Variants in NUP188 observed in about 807,000 individuals in gnomAD.
The protein encoded by NUP188 is nucleoporin 188.
Under a neutral mutation model 223.0 loss-of-function variants are expected in NUP188, and 97 were observed. The observed-to-expected ratio is 0.43, with a 90% CI of 0.37 to 0.51. NUP188 has a LOEUF of 0.51. Among genes scored for constraint, NUP188 ranks in the 20% least tolerant of loss-of-function variants. The pLI is 0.00. For missense variants in NUP188, 1,947 were observed against 2,175.6 expected (o/e 0.89, Z 2.09); for synonymous variants, 869 against 828.0 (o/e 1.05, Z -0.85).
At chr9:129,003,061 T>G in intron 37 of NUP188, 86 bp downstream of exon 37, 1 of 1,457,870 alleles carries the variant, frequency 6.9e-7, no homozygotes, top group South Asian at 1.3e-5. Flanking sequence ...GTGTGGAGCC[T>G]GGGCCTCAGT....
intron 22 of NUP188, among the ~76,000 whole-genome samples, chr9:128,987,109 G>A (rs1280118627): frequency 6.6e-6 from 1 of 151,592 alleles, no homozygotes; most frequent in Non-Finnish European, 1.5e-5. Context: ...GTGTGTGTGT[G>A]TGTGTGTGTG....
At position 129,006,316 on chromosome 9, in the gene NUP188, C is replaced by T; in HGVS notation, c.5021C>T (p.Ala1674Val). The T allele has an allele frequency of 6.2e-7, 1 of 1,614,222 alleles. No homozygotes were observed. The highest frequency in any genetic ancestry group is 8.5e-7 in the Non-Finnish European group (1 of 1,180,042). Residue 1674 changes from alanine (A) to valine (V), a missense_variant, in exon 43 of 44, where the codon GCT (alanine) becomes GTT (valine). Physicochemically the swap from Ala to Val is moderately conservative, Grantham distance 64 (BLOSUM62 0). Around this residue, in one of 3 missense-constraint regions of NUP188, gnomAD observed 905 missense variants for 990.6 expected, o/e 0.91. Transcript: ENST00000372577. ...SQAMRYLRDP[A>V]VHPRDKQRMK... Reference sequence around the variant, plus strand: ...GCGATGCGGTACCTTAGGGACCCGGCTGTGCACCCCCGGGACAAACAGCGG... The same window carrying T: ...GCGATGCGGTACCTTAGGGACCCGGTTGTGCACCCCCGGGACAAACAGCGG...
At chr9:128,969,031 A>G (rs1842069939) in intron 9 of NUP188, among the ~76,000 whole-genome samples, 1 of 152,220 alleles carries the variant, frequency 6.6e-6, no homozygotes, top group African/African-American at 2.4e-5. Context: ...TAAATAAGGC[A>G]TATATGCTTG....
Position 129,006,612 on chromosome 9 carries a change from C to G in NUP188, c.5184C>G (p.Ala1728=). The G allele has an allele frequency of 6.2e-7, 1 of 1,614,210 alleles. No homozygotes were observed. The highest frequency in any genetic ancestry group is 8.5e-7 in the Non-Finnish European group (1 of 1,180,038). The change falls in exon 44 of 44, where the codon GCC becomes GCG. Residue 1728 remains alanine (A), a synonymous_variant. Transcript: ENST00000372577. Reference sequence around the variant, plus strand: ...GCAAGTCCACCTCTCTCTCCAAAGCCAGCCCTGAGAGTCAGGAGCCTCTGA... The same window carrying G: ...GCAAGTCCACCTCTCTCTCCAAAGCGAGCCCTGAGAGTCAGGAGCCTCTGA... The part of the protein sequence containing the change: ...PQGKSTSLSK[A]SPESQEPLIQ...
In NUP188 at chr9:128,981,328, T is replaced by C; in HGVS notation, c.1454T>C (p.Val485Ala). 6.2e-7 allele frequency: 1 copy of C among 1,613,928 alleles called. No individual in the cohort carries two copies. The highest frequency in any genetic ancestry group is 8.5e-7 in the Non-Finnish European group (1 of 1,179,804). The change falls in exon 15 of 44, where the codon GTG becomes GCG. Residue 485 changes from valine to alanine, a missense_variant. This residue lies in a region of NUP188 where 817 missense variants were observed against 865.8 expected (regional missense o/e 0.94). Coordinates refer to ENST00000372577, the MANE Select transcript of NUP188 (RefSeq NM_015354.3). ...NELYKHKPHD[V>A]ISHEDGTLWR... Reference sequence around the variant, plus strand: ...CTTTATAAACACAAGCCTCATGATGTGATCTCCCATGAAGATGGAACTCTT... The same window carrying C: ...CTTTATAAACACAAGCCTCATGATGCGATCTCCCATGAAGATGGAACTCTT...
intron 30 of NUP188, among the ~76,000 whole-genome samples, chr9:128,996,114 G>GAAT (rs1842520853): frequency 6.6e-6 from 1 of 151,820 alleles, no homozygotes; most frequent in Non-Finnish European, 1.5e-5. Flanking sequence ...TAAGGACTTG[G>GAAT]TATTGAAGTG....
intron 8 of NUP188, among the ~76,000 whole-genome samples, chr9:128,962,320 C>G (rs909254047): frequency 5.3e-5 from 8 of 149,834 alleles, no homozygotes; most frequent in African/African-American, 2.0e-4. Flanking sequence ...ACGATCTCGG[C>G]TCTCTGCAAG....
chr9:128,997,846 G>A (rs1344709072), intron 30 of NUP188, among the ~76,000 whole-genome samples: 2 of 151,788 alleles, frequency 1.3e-5, no homozygotes, highest in African/African-American at 2.4e-5. Context: ...TCAGCCTCCC[G>A]AGTAGCTGGG....
intron 38 of NUP188, among the ~76,000 whole-genome samples, chr9:129,004,281 C>CAAA (rs560251172): frequency 1.1e-5 from 1 of 89,656 alleles, no homozygotes; most frequent in Non-Finnish European, 2.1e-5. Context: ...GACTCCGTCT[C>CAAA]AAAAAAAAAA....
At chr9:129,003,044 C>A in intron 37 of NUP188, 69 bp downstream of exon 37, 1 of 1,547,278 alleles carries the variant, frequency 6.5e-7, no homozygotes, top group Non-Finnish European at 8.8e-7. Context: ...ATTCATGGGG[C>A]AGGTGGGTGT....
At position 129,006,703 on chromosome 9, in the gene NUP188, C is replaced by T. The variant is rs778378750; in HGVS notation, c.*25C>T. The stretch of plus-strand genomic sequence containing the variant: ...GGGCAGTGCTGTTCTGCCCACCTAC[C>T]CCTCTCCACCAGCCTACACTGCACC... On this transcript the variant is annotated 3_prime_UTR_variant, in exon 44 of 44. Transcript: ENST00000372577. 6.9e-6 allele frequency: 11 copies of T among 1,599,846 alleles called. No individual in the cohort carries two copies. The highest frequency in any genetic ancestry group is 4.5e-5 in the East Asian group (2 of 44,850).
chr9:128,966,856 C>T (rs555930372), intron 8 of NUP188, among the ~76,000 whole-genome samples: 3 of 152,268 alleles, frequency 2.0e-5, no homozygotes, highest in South Asian at 2.1e-4. Flanking sequence ...CCTAAATGCT[C>T]ATCCATCCAA....
rs1842819301 is a variant in NUP188 at position 129,006,765 on chromosome 9, T to C, written c.*87T>C. On this transcript the variant is annotated 3_prime_UTR_variant, in exon 44 of 44. Coordinates refer to ENST00000372577, the MANE Select transcript of NUP188 (RefSeq NM_015354.3). The stretch of plus-strand genomic sequence containing the variant: ...GGGTGCTGCTGGCTGCTAGGGCCTA[T>C]ACAATGGAGGGCACCTCCTGTCACC... The C allele has an allele frequency of 4.3e-6, 6 of 1,392,488 alleles. No homozygotes were observed. Among genetic ancestry groups the C allele is most frequent in the South Asian group, 4.2e-5 (3 of 71,300 alleles). 86.3% of individuals were successfully genotyped at this position (1,392,488 alleles called of 1,614,324 possible).
chr9:129,003,705 C>T, intron 38 of NUP188: 1 of 567,118 alleles, frequency 1.8e-6, no homozygotes, highest in Non-Finnish European at 3.2e-6. Flanking sequence ...CTTAAGAATA[C>T]ACTTGGGGCC....
At position 128,998,192 on chromosome 9, in the gene NUP188, G is replaced by A. The variant is rs943281927; in HGVS notation, c.3393G>A (p.Gln1131=). 1.9e-6 allele frequency: 3 copies of A among 1,614,068 alleles called. No individual in the cohort carries two copies. Among genetic ancestry groups the A allele is most frequent in the Non-Finnish European group, 2.5e-6 (3 of 1,179,904 alleles). Residue 1131 remains glutamine, a synonymous_variant, in exon 31 of 44, where the codon CAG becomes CAA. Transcript: ENST00000372577. ...TGACTGACTCTGTGGTGCGTCGCCA[G>A]CTCTTTCTTGACGTGCTTGATGGAA... ...MHLTDSVVRR[Q]LFLDVLDGTK...
intron 25 of NUP188, chr9:128,992,985 TG>T: frequency 1.8e-6 from 1 of 562,254 alleles, no homozygotes; most frequent in Non-Finnish European, 3.2e-6. Flanking sequence ...TGAGGGAAGT[TG>T]AGCATTTCTT....
In NUP188 at chr9:128,973,233, C is replaced by T. The variant is rs1441151903; in HGVS notation, c.1187C>T (p.Thr396Ile). ...SFVLTSLELHTLGNQQDIIDT... is the reference protein window; with the variant it reads ...SFVLTSLELHILGNQQDIIDT... ...GTTCTGACCTCGTTGGAGCTGCACA[C>T]CCTGGGCAATCAGCAGGTCAGTGTC... The change falls in exon 12 of 44, where the codon ACC becomes ATC. Residue 396 changes from threonine to isoleucine, a missense_variant. Physicochemically the swap from Thr to Ile is moderately conservative, Grantham distance 89. Transcript: ENST00000372577. 2.5e-6 allele frequency: 4 copies of T among 1,613,058 alleles called. No individual in the cohort carries two copies. The highest frequency in any genetic ancestry group is 3.4e-6 in the Non-Finnish European group (4 of 1,179,776).
At position 129,003,465 on chromosome 9, in the gene NUP188, A is replaced by G. The variant is rs926768265; in HGVS notation, c.4434+11A>G. On this transcript the variant is annotated intron_variant, in intron 38 of 43. Coordinates refer to ENST00000372577, the MANE Select transcript of NUP188 (RefSeq NM_015354.3). ...ATGCGTGATATCCAGGTGGGGGCCC[A>G]AGATGGTGTCTTGGAGTCTGGGGTA... 6.2e-7 allele frequency: 1 copy of G among 1,607,634 alleles called. No individual in the cohort carries two copies. The highest frequency in any genetic ancestry group is 1.1e-5 in the South Asian group (1 of 91,066).
chr9:128,958,040 G>T lies in NUP188; in HGVS notation c.358G>T (p.Ala120Ser). 1 of 1,612,986 alleles carries T rather than the reference G, an allele frequency of 6.2e-7. No homozygotes were observed. The highest frequency in any genetic ancestry group is 8.5e-7 in the Non-Finnish European group (1 of 1,179,382). ...ACTGCAAGATGAGAGGCAGAGCCAGGCCTTAATCCTGAAGGTCAGTAGTAG... is the reference window on the plus strand; with the variant it reads ...ACTGCAAGATGAGAGGCAGAGCCAGTCCTTAATCCTGAAGGTCAGTAGTAG... ...TVLQDERQSQ[A>S]LILKIADYYY... The change falls in exon 6 of 44, where the codon GCC becomes TCC. Residue 120 changes from alanine to serine, a missense_variant. Transcript: ENST00000372577.
Sources: allele counts gnomAD v4.1 joint callset (sites outside exome capture counted in the v4.1 genomes callset), GRCh38; gene constraint gnomAD v4.1.1; regional missense constraint gnomAD v4.1.1; transcripts MANE v1.5; gene names NCBI Gene and HGNC (gene_info 2026-07-23, HGNC 2026-07-21).